The following ZNF879 variants were observed in gnomAD, a reference collection of about 807,000 sequenced individuals.
ZNF879 encodes zinc finger protein 879.
Under a neutral mutation model 44.3 loss-of-function variants are expected in ZNF879, and 32 were observed. That is an observed-to-expected ratio of 0.72 (90% CI 0.54 to 0.97). ZNF879 has a LOEUF of 0.97. Ranked by LOEUF, ZNF879 falls within the 50% of genes least tolerant of loss-of-function variation. The probability of loss-of-function intolerance (pLI) is 0.00; values close to 1 mark genes in which losing one functional copy is unlikely to be tolerated. For missense variants in ZNF879, 621 were observed against 669.7 expected, an observed-to-expected ratio of 0.93 and a Z score of 0.80; for synonymous variants, 234 against 233.2, an observed-to-expected ratio of 1.00 and a Z score of -0.03.
chr5:179,031,010 A>G (rs910947448), intron 4 of ZNF879, among the ~76,000 whole-genome samples: 1 of 152,122 alleles, frequency 6.6e-6, no homozygotes, highest in Non-Finnish European at 1.5e-5. Context: ...TGCCAGTGCT[A>G]CTTGCAGAAC....
Position 179,032,218 on chromosome 5 carries a change from G to T in ZNF879, c.270G>T (p.Leu90Phe), listed in dbSNP as rs1038208443. The change falls in exon 5 of 5, where the codon TTG (leucine) becomes TTT (phenylalanine). Residue 90 changes from leucine (L) to phenylalanine (F), a missense_variant. By Grantham distance (22) the Leu-to-Phe change is conservative. Transcript: ENST00000444149. ...TGTCTACTTTAGGATGGGAAAGCTT[G>T]TTTGGAACCATAGTTTCTAAAGAAG... The part of the protein sequence containing the change: ...PQGAHLGWES[L>F]FGTIVSKEEN... 8 of 1,515,994 alleles carry T rather than the reference G, an allele frequency of 5.3e-6. No homozygotes were observed. The African/African-American group carries it at 8.5e-5, about 16-fold the overall frequency. 93.9% of individuals were successfully genotyped at this position (1,515,994 alleles called of 1,614,324 possible). A position where few individuals can be genotyped will look rare whatever the true frequency, so the allele number is the denominator to read the frequency against.
Position 179,033,078 on chromosome 5 carries a change from G to A in ZNF879, c.1130G>A (p.Cys377Tyr). The change falls in exon 5 of 5, where the codon TGT (cysteine) becomes TAT (tyrosine). Residue 377 changes from cysteine to tyrosine, a missense_variant. Cys to Tyr is a radical substitution (Grantham distance 194). Coordinates refer to ENST00000444149, the MANE Select transcript of ZNF879 (RefSeq NM_001136116.3). The stretch of plus-strand genomic sequence containing the variant: ...GAGAAACCCTTTCATTGTAACGAGT[G>A]TGGAAAAGTATTCAGCTATCACTCA... ...TGEKPFHCNE[C>Y]GKVFSYHSAL... 1.3e-6 allele frequency: 2 copies of A among 1,566,566 alleles called. No individual in the cohort carries two copies. The highest frequency in any genetic ancestry group is 2.7e-5 in the African/African-American group (2 of 73,482).
rs768482365 is a variant in ZNF879, at chr5:179,027,456, T to A, written c.34-17T>A. 7 of 1,613,000 alleles carry A rather than the reference T, an allele frequency of 4.3e-6. No individual in the cohort carries two copies. The East Asian group carries it at 1.6e-4, about 36-fold the overall frequency. ...GGGGACAGTCCTGGATGAACAGGAG[T>A]GGGTTTGCCATTCCAGGAGTCCGTG... is the stretch of plus-strand genomic sequence containing the variant. On this transcript the variant is annotated splice_polypyrimidine_tract_variant and intron_variant, in intron 2 of 4. Transcript: ENST00000444149.
chr5:179,025,744 C>T (rs1241187287), intron 2 of ZNF879, among the ~76,000 whole-genome samples: 6 of 152,100 alleles, frequency 3.9e-5, no homozygotes, highest in Non-Finnish European at 8.8e-5. Context: ...TGGTGAAACC[C>T]GGTCTCTACT....
rs1761475145 is a variant in ZNF879, at chr5:179,032,986, T to A, written c.1038T>A (p.Cys346Ter). ...ATACTGGGGAGAAACCGTATGAATG[T>A]ACTCAGTGTGGGAAAGCCTTCACTT... ...RIHTGEKPYE[C>*]TQCGKAFTSI... Residue 346 changes from cysteine (C) to a stop codon, truncating the protein, a stop_gained, in exon 5 of 5, where the codon TGT becomes TGA. Coordinates refer to ENST00000444149, the MANE Select transcript of ZNF879 (RefSeq NM_001136116.3). LOFTEE classifies it high-confidence loss of function. 6.4e-7 allele frequency: 1 copy of A among 1,556,836 alleles called. No individual in the cohort carries two copies. Among genetic ancestry groups the A allele is most frequent in the Admixed American group, 2.0e-5 (1 of 51,254 alleles).
At chr5:179,029,662 C>CA (rs988393231) in intron 4 of ZNF879, among the ~76,000 whole-genome samples, 2 of 151,434 alleles carry the variant, frequency 1.3e-5, no homozygotes, top group Non-Finnish European at 2.9e-5. Context: ...AAAATAGGAG[C>CA]AAAAAAAAGT....
In ZNF879 at chr5:179,033,035, C is replaced by T. The variant is rs1469960548; in HGVS notation, c.1087C>T (p.His363Tyr). Residue 363 changes from histidine to tyrosine, a missense_variant, in exon 5 of 5, where the codon CAT becomes TAT. By Grantham distance (83) the His-to-Tyr change is moderately conservative. Transcript: ENST00000444149. ...TTCAATATCGCGGCTAAGTAGGCAC[C>T]ATCGAATTCATACTGGAGAGAAACC... ...FTSISRLSRH[H>Y]RIHTGEKPFH... The T allele has an allele frequency of 3.2e-6, 5 of 1,557,944 alleles. No homozygotes were observed. Among genetic ancestry groups the T allele is most frequent in the Non-Finnish European group, 3.5e-6 (4 of 1,150,928 alleles).
chr5:179,032,977 G>A lies in ZNF879; in HGVS notation c.1029G>A (p.Pro343=), dbSNP rs111486809. Residue 343 remains proline, a synonymous_variant, in exon 5 of 5, where the codon CCG becomes CCA. Coordinates refer to ENST00000444149, the MANE Select transcript of ZNF879 (RefSeq NM_001136116.3). The part of the protein sequence containing the change: ...QHHRIHTGEK[P]YECTQCGKAF... ...ACAGAATTCATACTGGGGAGAAACC[G>A]TATGAATGTACTCAGTGTGGGAAAG... The A allele has an allele frequency of 1.8e-3, 2,751 of 1,557,002 alleles. 52 individuals carry two copies. In the African/African-American group the frequency reaches 0.03, roughly 17 times the overall value.
chr5:179,031,149 C>T (rs1404566203), intron 4 of ZNF879, among the ~76,000 whole-genome samples: 1 of 152,230 alleles, frequency 6.6e-6, no homozygotes, highest in Non-Finnish European at 1.5e-5. Context: ...CTCTTTCTCC[C>T]CGGCCCCATT....
intron 2 of ZNF879, among the ~76,000 whole-genome samples, chr5:179,026,689 A>G (rs780072731): frequency 1.3e-5 from 2 of 152,130 alleles, no homozygotes; most frequent in African/African-American, 2.4e-5. Flanking sequence ...AGGTCTCTCT[A>G]TGTTGCCCAG....
chr5:179,033,790 C>T lies in ZNF879; in HGVS notation c.*150C>T. 1 of 539,260 alleles carries T rather than the reference C, an allele frequency of 1.9e-6. No individual in the cohort carries two copies. The allele number at this position is 539,260 out of a possible 1,614,324, so 33.4% of individuals were successfully genotyped here. On this transcript the variant is annotated 3_prime_UTR_variant, in exon 5 of 5. Transcript: ENST00000444149. The stretch of plus-strand genomic sequence containing the variant: ...ATCACACATCAGAGACTTCATGATG[C>T]AGGGTAACCTTGGGAATGCTAGAAA...
Position 179,032,553 on chromosome 5 carries a change from A to G in ZNF879, c.605A>G (p.Lys202Arg). 6.4e-7 allele frequency: 1 copy of G among 1,551,946 alleles called. No homozygotes were observed. The highest frequency in any genetic ancestry group is 8.7e-7 in the Non-Finnish European group (1 of 1,147,146). ...FKQLGVNTVR[K>R]CYKCNICGKI... The stretch of plus-strand genomic sequence containing the variant: ...CAACTGGGGGTCAACACAGTGCGTA[A>G]ATGTTATAAATGTAATATCTGTGGG... Residue 202 changes from lysine to arginine, a missense_variant, in exon 5 of 5, where the codon AAA (lysine) becomes AGA (arginine). Physicochemically the swap from Lys to Arg is conservative, Grantham distance 26 (BLOSUM62 2). Transcript: ENST00000444149.
At chr5:179,028,919 C>G (rs767297869) in intron 4 of ZNF879, among the ~76,000 whole-genome samples, 14 of 152,308 alleles carry the variant, frequency 9.2e-5, no homozygotes, top group South Asian at 4.1e-4. Context: ...GGCCAGTTCA[C>G]TTTTGCGTTT....
Position 179,027,458 on chromosome 5 carries a change from G to A in ZNF879, c.34-15G>A, listed in dbSNP as rs776523995. 21 of 1,613,394 alleles carry A rather than the reference G, an allele frequency of 1.3e-5. No homozygotes were observed. The South Asian group carries it at 2.3e-4, about 18-fold the overall frequency. On this transcript the variant is annotated splice_polypyrimidine_tract_variant and intron_variant, in intron 2 of 4. Transcript: ENST00000444149. ...GGACAGTCCTGGATGAACAGGAGTG[G>A]GTTTGCCATTCCAGGAGTCCGTGAC...
rs1437400142 is a variant in ZNF879 at position 179,033,015 on chromosome 5, T to C, written c.1067T>C (p.Ile356Thr). The C allele has an allele frequency of 6.4e-7, 1 of 1,556,240 alleles. No homozygotes were observed. Among genetic ancestry groups the C allele is most frequent in the Non-Finnish European group, 8.7e-7 (1 of 1,149,942 alleles). Residue 356 changes from isoleucine to threonine, a missense_variant, in exon 5 of 5, where the codon ATA becomes ACA. Transcript: ENST00000444149. Reference protein sequence around the residue: ...CTQCGKAFTSISRLSRHHRIH... With the variant: ...CTQCGKAFTSTSRLSRHHRIH... ...CAGTGTGGGAAAGCCTTCACTTCAA[T>C]ATCGCGGCTAAGTAGGCACCATCGA...
At chr5:179,024,320 T>G (rs1761197883) in intron 1 of ZNF879, 1 of 152,278 alleles carries the variant, frequency 6.6e-6, no homozygotes, top group Non-Finnish European at 1.5e-5. Context: ...AGTGTTTTCC[T>G]ACAGCCAGTC....
At chr5:179,030,052 T>G (rs1310876824) in intron 4 of ZNF879, among the ~76,000 whole-genome samples, 1 of 152,200 alleles carries the variant, frequency 6.6e-6, no homozygotes, top group Non-Finnish European at 1.5e-5. Flanking sequence ...ACATGAGTAT[T>G]GTGATTGAAA....
Position 179,024,884 on chromosome 5 carries a change from CTTA to C in ZNF879, c.-35-84_-35-82del, listed in dbSNP as rs1761217298. 9 of 1,085,860 alleles carry C rather than the reference CTTA, an allele frequency of 8.3e-6. No homozygotes were observed. The Admixed American group carries it at 1.9e-4, about 23-fold the overall frequency. 67.3% of individuals were successfully genotyped at this position (1,085,860 alleles called of 1,614,324 possible). On this transcript the variant is annotated intron_variant, in intron 1 of 4. Coordinates refer to ENST00000444149, the MANE Select transcript of ZNF879 (RefSeq NM_001136116.3). ...AGGCTCCTTCTCTGCAGGTGCTCAG[CTTA>C]TGGCTTCTAACCTGGTCTGGCCTAA...
chr5:179,030,339 T>G (rs1761386409), intron 4 of ZNF879, among the ~76,000 whole-genome samples: 1 of 152,194 alleles, frequency 6.6e-6, no homozygotes, highest in Admixed American at 6.5e-5. Context: ...CACAGATAAC[T>G]GTGCAGAGTT....
Sources: allele counts gnomAD v4.1 joint callset (sites outside exome capture counted in the v4.1 genomes callset), GRCh38; gene constraint gnomAD v4.1.1; transcripts MANE v1.5; gene names NCBI Gene and HGNC (gene_info 2026-07-23, HGNC 2026-07-21).